Variants in PTPRD observed in about 807,000 individuals in gnomAD.
The protein encoded by PTPRD is receptor-type tyrosine-protein phosphatase delta.
A neutral mutation model predicts 214.5 loss-of-function variants in PTPRD; 34 were observed. The ratio of observed to expected loss-of-function variants is 0.16; its 90% CI spans 0.12 to 0.21. The LOEUF is 0.21. PTPRD is among the 10% of genes least tolerant of loss of function. PTPRD has a pLI of 1.00. For missense variants in PTPRD, 2,545 were observed against 2,398.7 expected (o/e 1.06, Z -1.27); for synonymous variants, 1,128 against 845.7 (o/e 1.33, Z -5.79).
intron 7 of PTPRD, among the ~76,000 whole-genome samples, chr9:9,723,410 G>C (rs1488991648): frequency 6.6e-6 from 1 of 152,014 alleles, no homozygotes; most frequent in Non-Finnish European, 1.5e-5. Context: ...TTGTAACAAT[G>C]CCATACTTCA....
At chr9:8,459,899 T>G (rs922943547) in intron 33 of PTPRD, among the ~76,000 whole-genome samples, 1 of 152,126 alleles carries the variant, frequency 6.6e-6, no homozygotes, top group Non-Finnish European at 1.5e-5. Context: ...TTCTCTTTTT[T>G]TTCCCCTTCC....
At chr9:9,623,808 GA>G (rs1158882197) in intron 7 of PTPRD, among the ~76,000 whole-genome samples, 1 of 152,102 alleles carries the variant, frequency 6.6e-6, no homozygotes, top group African/African-American at 2.4e-5. Context: ...CAAGTCAGTG[GA>G]TTTAAAAATA....
chr9:10,105,944 T>A (rs918088208), intron 3 of PTPRD, among the ~76,000 whole-genome samples: 65 of 141,224 alleles, frequency 4.6e-4, no homozygotes, highest in African/African-American at 1.6e-3. Context: ...GCAAGTCATA[T>A]GATCACCAAG....
intron 8 of PTPRD, among the ~76,000 whole-genome samples, chr9:9,398,323 G>T (rs1319890109): frequency 6.6e-6 from 1 of 151,818 alleles, no homozygotes; most frequent in Non-Finnish European, 1.5e-5. Context: ...TCTATTTTGT[G>T]TGTTTAGCCC....
intron 43 of PTPRD, 74 bp from the exon 44 acceptor site, chr9:8,331,810 G>A (rs894098449): frequency 4.2e-5 from 61 of 1,465,010 alleles, no homozygotes; most frequent in Non-Finnish European, 3.3e-5. Context: ...CGGACCACAA[G>A]AACAATCATT....
chr9:8,465,699 G>GA (rs766687355), intron 31 of PTPRD, 24 bp from the exon 32 acceptor site: 10 of 1,572,962 alleles, frequency 6.4e-6, no homozygotes, highest in Admixed American at 1.8e-5. Context: ...GTGGGAAACA[G>GA]AAAAAGAACT....
intron 7 of PTPRD, among the ~76,000 whole-genome samples, chr9:9,658,051 G>A (rs973945046): frequency 3.2e-4 from 49 of 151,986 alleles, no homozygotes; most frequent in Admixed American, 7.9e-4. Flanking sequence ...GTCTTCCAGC[G>A]GTATCTTTTG....
intron 2 of PTPRD, among the ~76,000 whole-genome samples, chr9:10,411,701 T>C (rs2098437717): frequency 6.6e-6 from 1 of 151,846 alleles, no homozygotes; most frequent in South Asian, 2.1e-4. Context: ...AATTATTAGC[T>C]ACTAATAATT....
chr9:9,965,966 T>C (rs555694166), intron 4 of PTPRD, among the ~76,000 whole-genome samples: 91 of 152,344 alleles, frequency 6.0e-4, no homozygotes, highest in South Asian at 1.4e-3. Context: ...CTCTTTTGTT[T>C]GCTTTTGAGT....
At chr9:8,793,098 T>C (rs530043021) in intron 11 of PTPRD, among the ~76,000 whole-genome samples, 1 of 152,328 alleles carries the variant, frequency 6.6e-6, no homozygotes, top group East Asian at 1.9e-4. Flanking sequence ...GCCAGCCTCC[T>C]GGTTGGCCCT....
chr9:9,873,230 C>G (rs372001070), intron 5 of PTPRD, among the ~76,000 whole-genome samples: 1 of 152,208 alleles, frequency 6.6e-6, no homozygotes, highest in East Asian at 1.9e-4. Flanking sequence ...GAAAGATAAA[C>G]TGTTCTAACC....
At chr9:8,917,838 T>G (rs777936184) in intron 11 of PTPRD, among the ~76,000 whole-genome samples, 6 of 152,142 alleles carry the variant, frequency 3.9e-5, no homozygotes, top group Non-Finnish European at 7.4e-5. Flanking sequence ...TAGAGACCAT[T>G]TGATGGAAAG....
chr9:10,110,823 A>T (rs964184590), intron 3 of PTPRD, among the ~76,000 whole-genome samples: 76 of 152,238 alleles, frequency 5.0e-4, no homozygotes, highest in African/African-American at 1.7e-3. Flanking sequence ...AATATTAGGT[A>T]GAATTTATTA....
intron 8 of PTPRD, among the ~76,000 whole-genome samples, chr9:9,458,610 G>T (rs2093325762): frequency 6.6e-6 from 1 of 152,082 alleles, no homozygotes. Flanking sequence ...GTTTCCCCAA[G>T]ATGGCTAACT....
chr9:10,432,815 G>C (rs961129313), intron 2 of PTPRD, among the ~76,000 whole-genome samples: 11 of 151,750 alleles, frequency 7.2e-5, no homozygotes, highest in African/African-American at 2.7e-4. Flanking sequence ...ATGAATGCTG[G>C]GACCAAACAA....
intron 2 of PTPRD, among the ~76,000 whole-genome samples, chr9:10,544,102 C>T (rs2059709574): frequency 6.6e-6 from 1 of 152,080 alleles, no homozygotes; most frequent in Non-Finnish European, 1.5e-5. Flanking sequence ...TTATAAGGAA[C>T]AATAATTGTC....
At chr9:9,883,284 T>C (rs1053930722) in intron 5 of PTPRD, among the ~76,000 whole-genome samples, 19 of 152,180 alleles carry the variant, frequency 1.2e-4, no homozygotes, top group African/African-American at 4.1e-4. Flanking sequence ...CACAAATTTA[T>C]TACTTCCTCT....
chr9:9,632,273 C>G (rs749740609), intron 7 of PTPRD, among the ~76,000 whole-genome samples: 3 of 152,062 alleles, frequency 2.0e-5, no homozygotes, highest in Non-Finnish European at 2.9e-5. Flanking sequence ...ACCTTGAAAA[C>G]ATTACACTAA....
At chr9:9,654,385 G>A (rs187238762) in intron 7 of PTPRD, among the ~76,000 whole-genome samples, 31 of 152,106 alleles carry the variant, frequency 2.0e-4, no homozygotes, top group Non-Finnish European at 3.8e-4. Flanking sequence ...TTATACACAT[G>A]TCTAAGTATG....
Sources: allele counts gnomAD v4.1 joint callset (sites outside exome capture counted in the v4.1 genomes callset), GRCh38; gene constraint gnomAD v4.1.1; transcripts MANE v1.5; gene names NCBI Gene and HGNC (gene_info 2026-07-23, HGNC 2026-07-21).